Variants in ZNF618 observed in about 807,000 individuals in gnomAD.
ZNF618 encodes zinc finger protein 618.
A neutral mutation model predicts 103.0 loss-of-function variants in ZNF618; 34 were observed. That is an observed-to-expected ratio of 0.33 (90% CI 0.25 to 0.44). The LOEUF is 0.44. ZNF618 is among the 20% of genes least tolerant of loss of function. The pLI is 1.00. For missense variants in ZNF618, 1,059 were observed against 1,295.4 expected (o/e 0.82, Z 2.80); for synonymous variants, 551 against 542.2 (o/e 1.02, Z -0.23).
chr9:113,889,488 G>A (rs1259546935), intron 1 of ZNF618, among the ~76,000 whole-genome samples: 1 of 152,200 alleles, frequency 6.6e-6, no homozygotes, highest in Non-Finnish European at 1.5e-5. Context: ...CACCTGTTAT[G>A]ACTTAGCCTC....
intron 1 of ZNF618, among the ~76,000 whole-genome samples, chr9:113,903,018 T>A (rs1353931716): frequency 6.6e-6 from 1 of 152,194 alleles, no homozygotes; most frequent in Non-Finnish European, 1.5e-5. Flanking sequence ...TAGGATAGAA[T>A]GAAATAGAGA....
intron 1 of ZNF618, among the ~76,000 whole-genome samples, chr9:113,882,438 TA>T (rs755502184): frequency 1.3e-5 from 2 of 152,022 alleles, no homozygotes; most frequent in Non-Finnish European, 2.9e-5. Flanking sequence ...AGGGCCTGAG[TA>T]GGTGGTCGAC....
chr9:113,909,380 G>T (rs946823896), intron 1 of ZNF618, among the ~76,000 whole-genome samples: 2 of 152,068 alleles, frequency 1.3e-5, no homozygotes, highest in Non-Finnish European at 2.9e-5. Context: ...CACAGATGTG[G>T]ATAAGGAAGG....
intron 4 of ZNF618, among the ~76,000 whole-genome samples, chr9:113,998,645 A>G (rs1840866952): frequency 6.6e-6 from 1 of 152,332 alleles, no homozygotes; most frequent in Middle Eastern, 3.4e-3. Flanking sequence ...GAAACAGGCC[A>G]AGGGGACAAA....
chr9:113,983,947 G>A (rs1398105097), intron 2 of ZNF618, among the ~76,000 whole-genome samples: 2 of 152,128 alleles, frequency 1.3e-5, no homozygotes, highest in Admixed American at 1.3e-4. Context: ...CCCAGTGCCT[G>A]CTTACTAGAA....
intron 13 of ZNF618, among the ~76,000 whole-genome samples, chr9:114,042,927 C>T (rs941874871): frequency 1.3e-5 from 2 of 152,334 alleles, no homozygotes; most frequent in East Asian, 1.9e-4. Flanking sequence ...CAGGTAACAC[C>T]TGCTTTCTTT....
intron 1 of ZNF618, among the ~76,000 whole-genome samples, chr9:113,924,797 G>T (rs1268172536): frequency 6.6e-6 from 1 of 151,872 alleles, no homozygotes; most frequent in Non-Finnish European, 1.5e-5. Flanking sequence ...TTATTTAGAA[G>T]TGTGTTATTT....
At chr9:114,022,661 T>C (rs1843174487) in intron 10 of ZNF618, among the ~76,000 whole-genome samples, 1 of 146,840 alleles carries the variant, frequency 6.8e-6, no homozygotes, top group Non-Finnish European at 1.5e-5. Context: ...TGGTTGATAA[T>C]GCTGTTCAAA....
chr9:113,945,679 T>C (rs1040604165), intron 1 of ZNF618, among the ~76,000 whole-genome samples: 1 of 152,244 alleles, frequency 6.6e-6, no homozygotes, highest in Admixed American at 6.5e-5. Context: ...TCTCCTGCTT[T>C]GTCGTTGGCA....
intron 1 of ZNF618, among the ~76,000 whole-genome samples, chr9:113,958,205 T>C (rs1836502210): frequency 1.3e-5 from 2 of 152,132 alleles, no homozygotes; most frequent in Admixed American, 1.3e-4. Context: ...CAGGATGGCA[T>C]AGGATTTGAA....
chr9:113,891,684 A>G (rs1829629066), intron 1 of ZNF618, among the ~76,000 whole-genome samples: 1 of 152,208 alleles, frequency 6.6e-6, no homozygotes, highest in Non-Finnish European at 1.5e-5. Flanking sequence ...ATTATTTGCA[A>G]TACCCAAAGG....
intron 1 of ZNF618, among the ~76,000 whole-genome samples, chr9:113,900,976 C>T (rs57612412): frequency 2.0e-5 from 1 of 48,810 alleles, no homozygotes; most frequent in African/African-American, 8.5e-5. Flanking sequence ...CTCCTAGCAC[C>T]GTCCTCTCCC....
chr9:113,997,543 A>T (rs143815480), intron 3 of ZNF618, among the ~76,000 whole-genome samples: 28 of 152,248 alleles, frequency 1.8e-4, no homozygotes, highest in Non-Finnish European at 4.0e-4. Flanking sequence ...AATCACCTTT[A>T]CCTGCTGGAA....
intron 13 of ZNF618, among the ~76,000 whole-genome samples, chr9:114,038,748 C>CCACAA (rs2134399891): frequency 6.6e-6 from 1 of 152,274 alleles, no homozygotes; most frequent in Admixed American, 6.5e-5. Context: ...GCACTGAGAG[C>CCACAA]TTTACGCAGG....
chr9:114,026,586 C>T (rs549176004), intron 10 of ZNF618, among the ~76,000 whole-genome samples: 8 of 152,200 alleles, frequency 5.3e-5, no homozygotes, highest in Admixed American at 1.3e-4. Context: ...GAGGAGTGCA[C>T]GGCCTTGTGC....
intron 1 of ZNF618, among the ~76,000 whole-genome samples, chr9:113,916,992 G>A (rs1588033703): frequency 6.6e-6 from 1 of 152,238 alleles, no homozygotes; most frequent in South Asian, 2.1e-4. Flanking sequence ...CTGGCATCTT[G>A]TTCAGAAGGA....
At chr9:113,882,497 A>C (rs987711384) in intron 1 of ZNF618, among the ~76,000 whole-genome samples, 1 of 152,126 alleles carries the variant, frequency 6.6e-6, no homozygotes, top group East Asian at 1.9e-4. Flanking sequence ...CCATTTGGGG[A>C]GATTAAGTCC....
intron 3 of ZNF618, among the ~76,000 whole-genome samples, chr9:113,989,017 C>T (rs1839766896): frequency 6.6e-6 from 1 of 152,312 alleles, no homozygotes; most frequent in South Asian, 2.1e-4. Flanking sequence ...ATGGCACTTC[C>T]CCTGCCTCTT....
intron 1 of ZNF618, among the ~76,000 whole-genome samples, chr9:113,886,597 A>T (rs1232647000): frequency 3.3e-5 from 5 of 152,114 alleles, no homozygotes; most frequent in Admixed American, 3.3e-4. Context: ...AGTGAAACTG[A>T]TCTGAAATAA....
Sources: allele counts gnomAD v4.1 joint callset (sites outside exome capture counted in the v4.1 genomes callset), GRCh38; gene constraint gnomAD v4.1.1; transcripts MANE v1.5; gene names NCBI Gene and HGNC (gene_info 2026-07-23, HGNC 2026-07-21).